SPINDOC: variants seen among roughly 807,000 people sequenced by gnomAD.
SPINDOC encodes the protein spindlin interactor and repressor of chromatin-binding protein.
SPINDOC carries 13 observed loss-of-function variants against 30.7 expected under a neutral mutation model. That is an observed-to-expected ratio of 0.42 (90% CI 0.28 to 0.67). SPINDOC has a LOEUF of 0.67. SPINDOC is among the 30% of genes least tolerant of loss of function. The pLI is 0.22. For synonymous variants in SPINDOC, 228 were observed against 211.4 expected, an observed-to-expected ratio of 1.08 and a Z score of -0.68; for missense variants, 438 against 518.0, an observed-to-expected ratio of 0.85 and a Z score of 1.50.
intron 5 of SPINDOC, among the ~76,000 whole-genome samples, chr11:63,821,776 G>A (rs376818634): frequency 2.0e-5 from 3 of 152,192 alleles, no homozygotes; most frequent in Admixed American, 6.5e-5. Context: ...TGTTTTTTGA[G>A]ACAGAGTCCC....
chr11:63,823,894 G>A (rs2015591112), intron 5 of SPINDOC, among the ~76,000 whole-genome samples: 2 of 149,842 alleles, frequency 1.3e-5, no homozygotes, highest in African/African-American at 4.9e-5. Context: ...CACTGCACCT[G>A]GCCTGTTTTT....
At chr11:63,822,100 T>C (rs1274520409) in intron 5 of SPINDOC, among the ~76,000 whole-genome samples, 2 of 152,032 alleles carry the variant, frequency 1.3e-5, no homozygotes, top group Admixed American at 6.5e-5. Context: ...CCCAGCACTT[T>C]AGGATGCCAA....
chr11:63,825,112 G>C (rs1286985035), intron 5 of SPINDOC, among the ~76,000 whole-genome samples: 1 of 152,214 alleles, frequency 6.6e-6, no homozygotes, highest in Non-Finnish European at 1.5e-5. Context: ...AGCAGCCAGA[G>C]TGTCCCTGCT....
At chr11:63,822,835 A>T in intron 5 of SPINDOC, 1 of 1,289,096 alleles carries the variant, frequency 7.8e-7, no homozygotes. Context: ...CGCAAACTCC[A>T]TCTATCTGGA....
intron 5 of SPINDOC, chr11:63,822,985 T>A: frequency 2.8e-6 from 3 of 1,074,156 alleles, no homozygotes; most frequent in Non-Finnish European, 3.8e-6. Flanking sequence ...TTGTCAGCAG[T>A]GGCAGCCTTC....
intron 5 of SPINDOC, among the ~76,000 whole-genome samples, chr11:63,822,356 TAAAAA>T (rs753315518): frequency 2.2e-3 from 131 of 58,822 alleles, no homozygotes; most frequent in African/African-American, 7.1e-3. Flanking sequence ...CTAGACTGTC[TAAAAA>T]AAAAAAAAAA....
chr11:63,813,555 C>A lies in SPINDOC; in HGVS notation c.-132C>A. The stretch of plus-strand genomic sequence containing the variant: ...CGGCCGGCGAGCGGCGGGCGGGCGG[C>A]GGGGAGGGGGCTGCGCGGGGCGGGC... On this transcript the variant is annotated 5_prime_UTR_variant, in exon 1 of 6. Coordinates refer to ENST00000294244, the MANE Select transcript of SPINDOC (RefSeq NM_138471.3). 1.3e-6 allele frequency: 1 copy of A among 743,364 alleles called. No homozygotes were observed. Among genetic ancestry groups the A allele is most frequent in the Non-Finnish European group, 1.6e-6 (1 of 609,220 alleles). 46.0% of individuals were successfully genotyped at this position (743,364 alleles called of 1,614,324 possible).
chr11:63,825,470 CA>C (rs772714806), intron 5 of SPINDOC, among the ~76,000 whole-genome samples: 18 of 152,186 alleles, frequency 1.2e-4, no homozygotes, highest in Non-Finnish European at 2.5e-4. Flanking sequence ...TGCTACTTTG[CA>C]TCTGTCCATA....
chr11:63,817,574 C>T (rs1206513481), intron 1 of SPINDOC, among the ~76,000 whole-genome samples: 1 of 152,022 alleles, frequency 6.6e-6, no homozygotes, highest in Non-Finnish European at 1.5e-5. Context: ...GTCCTAAGGT[C>T]CAAGACTAGA....
Position 63,813,671 on chromosome 11 carries a change from C to G in SPINDOC, c.-16C>G. On this transcript the variant is annotated 5_prime_UTR_variant, in exon 1 of 6. It adds an upstream start codon to the 5' untranslated region. Transcript: ENST00000294244. ...GCGCCAGTCCTCCGGCCACTGCTATCGCCCACGGCCGCACCATGGCCCTAA... is the reference window on the plus strand; with the variant it reads ...GCGCCAGTCCTCCGGCCACTGCTATGGCCCACGGCCGCACCATGGCCCTAA... 1 of 1,539,522 alleles carries G rather than the reference C, an allele frequency of 6.5e-7. No homozygotes were observed. Among genetic ancestry groups the G allele is most frequent in the Middle Eastern group, 2.2e-4 (1 of 4,462 alleles).
chr11:63,822,479 A>AAT, intron 5 of SPINDOC: 1 of 655,986 alleles, frequency 1.5e-6, no homozygotes, highest in East Asian at 6.6e-5. Flanking sequence ...TACCACTCTT[A>AAT]ATTTGGTTTG....
chr11:63,822,678 G>A, intron 5 of SPINDOC: 1 of 1,289,090 alleles, frequency 7.8e-7, no homozygotes, highest in Admixed American at 2.3e-5. Context: ...GACCGAGTGT[G>A]CTGCTTGGAC....
chr11:63,819,897 AGTTT>A (rs1169342809), intron 5 of SPINDOC, among the ~76,000 whole-genome samples: 1 of 152,166 alleles, frequency 6.6e-6, no homozygotes, highest in African/African-American at 2.4e-5. Context: ...CCACACATGC[AGTTT>A]GTTCTAGCTA....
chr11:63,813,620 G>GT lies in SPINDOC; in HGVS notation c.-65dup. The GT allele has an allele frequency of 7.1e-7, 1 of 1,407,130 alleles. No homozygotes were observed. Among genetic ancestry groups the GT allele is most frequent in the East Asian group, 3.1e-5 (1 of 31,950 alleles). 87.2% of individuals were successfully genotyped at this position (1,407,130 alleles called of 1,614,324 possible). A position where few individuals can be genotyped will look rare whatever the true frequency, so the allele number is the denominator to read the frequency against. ...TATTCCGGCCAGGAGGCGGGAGGCGGTTGCCGGCTGCGCGCCGAAGCCTGC... is the reference window on the plus strand; with the variant it reads ...TATTCCGGCCAGGAGGCGGGAGGCGGTTTGCCGGCTGCGCGCCGAAGCCTGC... On this transcript the variant is annotated 5_prime_UTR_variant, in exon 1 of 6. Transcript: ENST00000294244.
At chr11:63,821,995 C>T (rs750749295) in intron 5 of SPINDOC, among the ~76,000 whole-genome samples, 1 of 152,118 alleles carries the variant, frequency 6.6e-6, no homozygotes, top group Non-Finnish European at 1.5e-5. Context: ...GCAGTCCTCC[C>T]ACCTGGGCCT....
chr11:63,816,394 G>A (rs1208768272), intron 1 of SPINDOC, among the ~76,000 whole-genome samples: 1 of 152,206 alleles, frequency 6.6e-6, no homozygotes, highest in Non-Finnish European at 1.5e-5. Context: ...GCAGAGTTTA[G>A]CACTGCTGAC....
At chr11:63,814,710 C>T (rs2015293916) in intron 1 of SPINDOC, among the ~76,000 whole-genome samples, 2 of 152,226 alleles carry the variant, frequency 1.3e-5, no homozygotes, top group African/African-American at 4.8e-5. Context: ...TCTGCCTGCA[C>T]TGCCTGTCAT....
intron 5 of SPINDOC, chr11:63,822,457 T>C (rs1301659890): frequency 2.0e-6 from 1 of 490,724 alleles, no homozygotes; most frequent in African/African-American, 2.0e-5. Flanking sequence ...TTTTTCTTTG[T>C]GTTCACTGCT....
rs2015421243 is a variant in SPINDOC at position 63,818,718 on chromosome 11, G to A, written c.733+66G>A. 6.2e-7 allele frequency: 1 copy of A among 1,611,768 alleles called. No individual in the cohort carries two copies. Among genetic ancestry groups the A allele is most frequent in the East Asian group, 2.2e-5 (1 of 44,850 alleles). ...GTGCTCTGAGGAAATCCGCATCAGT[G>A]AGGATGGAGCAGGGCCTGGGCGCAG... On this transcript the variant is annotated intron_variant, in intron 4 of 5. Coordinates refer to ENST00000294244, the MANE Select transcript of SPINDOC (RefSeq NM_138471.3). The surrounding 1 kb of genome is among the most constrained non-coding windows in gnomAD (Gnocchi z 5.3).
Sources: allele counts gnomAD v4.1 joint callset (sites outside exome capture counted in the v4.1 genomes callset), GRCh38; gene constraint gnomAD v4.1.1; non-coding constraint Gnocchi (gnomAD v3.1); transcripts MANE v1.5; gene names NCBI Gene and HGNC (gene_info 2026-07-23, HGNC 2026-07-21).